SSUH2: variants seen among roughly 807,000 people sequenced by gnomAD.
SSUH2 encodes protein SSUH2 homolog.
SSUH2 carries 47 observed loss-of-function variants against 55.3 expected under a neutral mutation model. That is an observed-to-expected ratio of 0.85 (90% CI 0.67 to 1.08). The LOEUF (loss-of-function observed/expected upper bound fraction) is 1.08, where lower values mean the gene tolerates loss of function less well. Ranked by LOEUF, SSUH2 falls within the 50% of genes least tolerant of loss-of-function variation. SSUH2 has a pLI of 0.00. For missense variants in SSUH2, 535 were observed against 490.7 expected, an observed-to-expected ratio of 1.09 and a Z score of -0.85; for synonymous variants, 212 against 191.5, an observed-to-expected ratio of 1.11 and a Z score of -0.89.
chr3:8,637,930 T>A (rs976712661), intron 1 of SSUH2, among the ~76,000 whole-genome samples: 2 of 152,180 alleles, frequency 1.3e-5, no homozygotes, highest in Admixed American at 1.3e-4. Flanking sequence ...AAAAATAATA[T>A]ACCCTGTCCC....
intron 7 of SSUH2, chr3:8,629,184 T>G (rs951691614): frequency 6.4e-6 from 1 of 156,244 alleles, no homozygotes; most frequent in Non-Finnish European, 1.4e-5. Flanking sequence ...AGCCACCCAT[T>G]GGTGGTCATG....
chr3:8,648,913 G>C (rs1005936900), upstream of SSUH2, among the ~76,000 whole-genome samples: 13 of 152,026 alleles, frequency 8.6e-5, no homozygotes, highest in Admixed American at 8.5e-4. Context: ...CCTTCCCCTG[G>C]GTGCTTTAGT....
intron 6 of SSUH2, among the ~76,000 whole-genome samples, chr3:8,661,082 T>C (rs530075078): frequency 9.9e-5 from 15 of 152,244 alleles, no homozygotes; most frequent in Non-Finnish European, 2.1e-4. Flanking sequence ...GCTCTTGGAC[T>C]TACTGTCTGA....
chr3:8,620,215 A>G (rs1696131690), intron 11 of SSUH2, among the ~76,000 whole-genome samples: 1 of 152,188 alleles, frequency 6.6e-6, no homozygotes, highest in African/African-American at 2.4e-5. Flanking sequence ...GAGGACCTAG[A>G]GGGAGGTAAT....
chr3:8,643,882 T>C (rs996360840), intron 1 of SSUH2, among the ~76,000 whole-genome samples: 1 of 152,120 alleles, frequency 6.6e-6, no homozygotes, highest in African/African-American at 2.4e-5. Flanking sequence ...ATATTGCAGC[T>C]CAGAGAGGTT....
intron 3 of SSUH2, among the ~76,000 whole-genome samples, chr3:8,675,940 C>T (rs1361593462): frequency 6.6e-6 from 1 of 152,134 alleles, no homozygotes; most frequent in African/African-American, 2.4e-5. Context: ...CAGTGGCCTA[C>T]CTCTCTAAAC....
intron 11 of SSUH2, among the ~76,000 whole-genome samples, chr3:8,621,048 A>C (rs1427094241): frequency 6.6e-6 from 1 of 152,192 alleles, no homozygotes; most frequent in Non-Finnish European, 1.5e-5. Context: ...TCCCATCTGT[A>C]CTGGCTTCTG....
chr3:8,671,337 T>G (rs1348689177), intron 4 of SSUH2, among the ~76,000 whole-genome samples: 1 of 152,116 alleles, frequency 6.6e-6, no homozygotes, highest in Non-Finnish European at 1.5e-5. Flanking sequence ...AAGAGTCACA[T>G]TTCCCTAGAA....
chr3:8,627,695 T>C lies in SSUH2; in HGVS notation c.674+3A>G, dbSNP rs745723419. On this transcript the variant is annotated splice_donor_region_variant and intron_variant, in intron 8 of 11. Coordinates refer to ENST00000544814, the MANE Select transcript of SSUH2 (RefSeq NM_001256748.3). ...CACCGCGGTGCTGGGGAGATGCCCC[T>C]ACCTTCGCCTGCCGGACCCCGCGCA... 5 of 1,577,234 alleles carry C rather than the reference T, an allele frequency of 3.2e-6. No individual in the cohort carries two copies. Among genetic ancestry groups the C allele is most frequent in the Admixed American group, 1.8e-5 (1 of 54,590 alleles).
chr3:8,635,459 T>C lies in SSUH2; in HGVS notation c.128-78A>G, dbSNP rs1335236475. 7 of 1,050,696 alleles carry C rather than the reference T, an allele frequency of 6.7e-6. No individual in the cohort carries two copies. In the Admixed American group the frequency reaches 9.6e-5, roughly 14 times the overall value. 65.1% of individuals were successfully genotyped at this position (1,050,696 alleles called of 1,614,324 possible). ...TTTGTGTGGTGGAAGAAGGAAAGAC[T>C]GATTGAATGTGAGAAAGAACAGATG... is the stretch of plus-strand genomic sequence containing the variant. On this transcript the variant is annotated intron_variant, in intron 2 of 11. Coordinates refer to ENST00000544814, the MANE Select transcript of SSUH2 (RefSeq NM_001256748.3).
intron 1 of SSUH2, among the ~76,000 whole-genome samples, chr3:8,637,833 CTTGTTTGTTTGTTTGT>C (rs59930358): frequency 1.1e-4 from 17 of 151,554 alleles, no homozygotes; most frequent in African/African-American, 2.4e-4. Flanking sequence ...TCTCCTAGAG[CTTGTTTGTTTGTTTGT>C]TTGTTTGTTT....
upstream of SSUH2, among the ~76,000 whole-genome samples, chr3:8,647,326 A>G (rs1701809104): frequency 6.6e-6 from 1 of 152,266 alleles, no homozygotes; most frequent in Non-Finnish European, 1.5e-5. Context: ...GGCTGAACAA[A>G]GAAACTTTCT....
intron 1 of SSUH2, among the ~76,000 whole-genome samples, chr3:8,637,765 A>G (rs1363245693): frequency 6.6e-6 from 1 of 152,182 alleles, no homozygotes; most frequent in Non-Finnish European, 1.5e-5. Flanking sequence ...GGAAGGGGAC[A>G]CCGTCTGTCT....
At chr3:8,663,993 G>A (rs1210556703) in intron 5 of SSUH2, 1 of 355,268 alleles carries the variant, frequency 2.8e-6, no homozygotes, top group African/African-American at 2.1e-5. Context: ...AGCTTCTAAG[G>A]GAAGTGCTGG....
At chr3:8,658,214 C>CT (rs1291558360) in intron 7 of SSUH2, among the ~76,000 whole-genome samples, 5 of 152,244 alleles carry the variant, frequency 3.3e-5, no homozygotes, top group Non-Finnish European at 7.3e-5. Context: ...AGCGGAGTGC[C>CT]TGTGGCTAGC....
chr3:8,634,650 G>C (rs1280038942), intron 3 of SSUH2: 3 of 1,217,190 alleles, frequency 2.5e-6, no homozygotes, highest in African/African-American at 1.6e-5. Context: ...TTCTTCCTAA[G>C]CATGGAAAGT....
chr3:8,663,379 G>C lies in SSUH2; in HGVS notation c.-396+365C>G, dbSNP rs537921665. Among the ~76,000 whole-genome samples the C allele has an allele frequency of 6.0e-4, 91 of 152,372 alleles. 1 individual carries two copies. Among genetic ancestry groups the C allele is most frequent in the Admixed American group, 5.4e-3 (83 of 15,312 alleles). On this transcript the variant is annotated intron_variant, in intron 6 of 18. Transcript: ENST00000317371. The stretch of plus-strand genomic sequence containing the variant: ...TACAGAGAACAGCAATGCATGGGCT[G>C]AGCCCAAGGAAGTGCCTGGAACTGA...
At chr3:8,678,064 A>G (rs1423107253) in intron 2 of SSUH2, among the ~76,000 whole-genome samples, 1 of 152,064 alleles carries the variant, frequency 6.6e-6, no homozygotes, top group East Asian at 1.9e-4. Context: ...TTGCAATTAG[A>G]AACAATATCA....
chr3:8,654,798 T>G (rs1471284552), intron 7 of SSUH2, among the ~76,000 whole-genome samples: 3 of 146,350 alleles, frequency 2.0e-5, no homozygotes, highest in Admixed American at 6.7e-5. Flanking sequence ...AGTGTGTGGC[T>G]TCCCCAGGAT....
Sources: allele counts gnomAD v4.1 joint callset (sites outside exome capture counted in the v4.1 genomes callset), GRCh38; gene constraint gnomAD v4.1.1; transcripts MANE v1.5; gene names NCBI Gene and HGNC (gene_info 2026-07-23, HGNC 2026-07-21).